The following MPDZ variants were observed in gnomAD, a reference collection of about 807,000 sequenced individuals.
MPDZ encodes multiple PDZ domain protein.
A neutral mutation model predicts 239.1 loss-of-function variants in MPDZ; 234 were observed. The ratio of observed to expected loss-of-function variants is 0.98; its 90% CI spans 0.88 to 1.09. MPDZ has a LOEUF of 1.09. Ranked by LOEUF, MPDZ falls within the 50% of genes least tolerant of loss-of-function variation. MPDZ has a pLI of 0.00. For synonymous variants in MPDZ, 1,048 were observed against 881.3 expected (o/e 1.19, Z -3.35); for missense variants, 3,175 against 2,510.0 (o/e 1.26, Z -5.66).
chr9:13,107,146 A>C, intron 46 of MPDZ, 35 bp from the exon 47 acceptor site: 2 of 1,528,882 alleles, frequency 1.3e-6, no homozygotes, highest in Non-Finnish European at 1.8e-6. Context: ...TTATTTCTCA[A>C]AAAATGCTGC....
At chr9:13,135,624 A>G (rs1375668029) in intron 31 of MPDZ, 1 of 152,462 alleles carries the variant, frequency 6.6e-6, no homozygotes, top group Non-Finnish European at 1.5e-5. Context: ...CCATGATCTG[A>G]CCCTGTCCCC....
chr9:13,208,016 T>G (rs1957184736), intron 10 of MPDZ, among the ~76,000 whole-genome samples: 1 of 152,224 alleles, frequency 6.6e-6, no homozygotes, highest in Non-Finnish European at 1.5e-5. Flanking sequence ...ACTGTACGTG[T>G]AATGCTTTTC....
intron 22 of MPDZ, among the ~76,000 whole-genome samples, chr9:13,165,131 G>A (rs887363050): frequency 1.3e-5 from 2 of 152,096 alleles, no homozygotes; most frequent in South Asian, 4.1e-4. Context: ...TTCATAATTG[G>A]AAAATATGAT....
intron 16 of MPDZ, 22 bp from the exon 17 acceptor site, chr9:13,189,015 G>A: frequency 5.0e-6 from 8 of 1,596,402 alleles, no homozygotes; most frequent in Non-Finnish European, 6.8e-6. Flanking sequence ...CAAAAGGAAA[G>A]AGTCAGCTCA....
chr9:13,165,665 A>G (rs1031447411), intron 22 of MPDZ, among the ~76,000 whole-genome samples: 4 of 152,136 alleles, frequency 2.6e-5, no homozygotes, highest in Non-Finnish European at 5.9e-5. Flanking sequence ...TTGATCAGGA[A>G]TTCATCCCAC....
At chr9:13,147,454 T>A in intron 26 of MPDZ, 94 bp downstream of exon 26, 1 of 894,340 alleles carries the variant, frequency 1.1e-6, no homozygotes, top group Non-Finnish European at 1.8e-6. Context: ...AAAATCACTA[T>A]CTTTACTCAT....
intron 30 of MPDZ, 108 bp from the exon 31 acceptor site, chr9:13,136,290 TG>T (rs2132258800): frequency 2.1e-6 from 1 of 480,990 alleles, no homozygotes; most frequent in African/African-American, 2.2e-5. Context: ...CCCCAAAACC[TG>T]GAACTGTGAC....
chr9:13,165,537 C>T, intron 22 of MPDZ: 3 of 984,386 alleles, frequency 3.0e-6, no homozygotes, highest in Non-Finnish European at 4.4e-6. Flanking sequence ...TTTTTTCCCC[C>T]TTTCCACCTC....
chr9:13,224,090 T>C (rs931507428), intron 4 of MPDZ, among the ~76,000 whole-genome samples: 1 of 151,950 alleles, frequency 6.6e-6, no homozygotes, highest in African/African-American at 2.4e-5. Context: ...GAATCATTTC[T>C]TTGTTAAAAA....
intron 10 of MPDZ, among the ~76,000 whole-genome samples, chr9:13,206,828 C>A (rs1456268426): frequency 6.6e-6 from 1 of 152,100 alleles, no homozygotes; most frequent in African/African-American, 2.4e-5. Flanking sequence ...AGGCGTGAGC[C>A]ACTGCACCCG....
At chr9:13,268,160 A>ATG (rs143444432) in intron 1 of MPDZ, among the ~76,000 whole-genome samples, 1 of 150,746 alleles carries the variant, frequency 6.6e-6, no homozygotes, top group Non-Finnish European at 1.5e-5. Flanking sequence ...AATTATATAT[A>ATG]TATATATATA....
intron 1 of MPDZ, among the ~76,000 whole-genome samples, chr9:13,277,551 ATTTTTAT>A (rs1338726109): frequency 6.6e-6 from 1 of 151,926 alleles, no homozygotes; most frequent in Non-Finnish European, 1.5e-5. Flanking sequence ...CTAGGCTTTT[ATTTTTAT>A]TTTTTATTTA....
chr9:13,263,064 A>T (rs1420233475), intron 1 of MPDZ, among the ~76,000 whole-genome samples: 1 of 152,146 alleles, frequency 6.6e-6, no homozygotes, highest in Non-Finnish European at 1.5e-5. Flanking sequence ...AATGGTTTTA[A>T]ATTATGCATG....
rs766873973 is a variant in MPDZ at position 13,138,021 on chromosome 9, C to A, written c.4136G>T (p.Gly1379Val). ...DRSRMSVFIV[G>V]IDPNGAAGKD... ...TCCTGCAGCTCCATTTGGATCAATCCCCACTATGAAGACACTCATCCTGGA... is the reference window on the plus strand; with the variant it reads ...TCCTGCAGCTCCATTTGGATCAATCACCACTATGAAGACACTCATCCTGGA... The change falls in exon 29 of 47, where the codon GGG (glycine) becomes GTG (valine). Residue 1379 changes from glycine to valine, a missense_variant. Physicochemically the swap from Gly to Val is moderately radical, Grantham distance 109. Coordinates refer to ENST00000319217, the MANE Select transcript of MPDZ (RefSeq NM_001378778.1). The A allele has an allele frequency of 6.2e-7, 1 of 1,613,760 alleles. No individual in the cohort carries two copies. The highest frequency in any genetic ancestry group is 2.2e-5 in the East Asian group (1 of 44,830).
At chr9:13,242,957 C>T (rs766781117) in intron 3 of MPDZ, among the ~76,000 whole-genome samples, 9 of 152,148 alleles carry the variant, frequency 5.9e-5, no homozygotes, top group South Asian at 2.1e-4. Flanking sequence ...AAGTTTCCCT[C>T]GGGAATGGAG....
intron 2 of MPDZ, among the ~76,000 whole-genome samples, chr9:13,248,452 C>A (rs1027978037): frequency 6.6e-6 from 1 of 152,048 alleles, no homozygotes; most frequent in Non-Finnish European, 1.5e-5. Context: ...TAACTATGTC[C>A]TACTAGTCCT....
chr9:13,219,454 C>T, intron 8 of MPDZ, 105 bp downstream of exon 8: 10 of 938,340 alleles, frequency 1.1e-5, no homozygotes, highest in South Asian at 1.7e-5. Flanking sequence ...CATTCTTTAG[C>T]ACTAATATAG....
intron 1 of MPDZ, among the ~76,000 whole-genome samples, chr9:13,268,315 T>C (rs1310144487): frequency 1.3e-5 from 2 of 152,036 alleles, no homozygotes; most frequent in East Asian, 3.9e-4. Flanking sequence ...TATAGAAAGA[T>C]TTAGCATGAA....
intron 45 of MPDZ, 101 bp downstream of exon 45, chr9:13,109,851 C>G (rs1440111452): frequency 4.7e-6 from 4 of 858,430 alleles, no homozygotes; most frequent in Non-Finnish European, 7.5e-6. Context: ...ATCATTTTAC[C>G]TGTACGTAAT....
Sources: allele counts gnomAD v4.1 joint callset (sites outside exome capture counted in the v4.1 genomes callset), GRCh38; gene constraint gnomAD v4.1.1; transcripts MANE v1.5; gene names NCBI Gene and HGNC (gene_info 2026-07-23, HGNC 2026-07-21).